Variants in SYT1 observed in about 807,000 individuals in gnomAD.
The protein encoded by SYT1 is synaptotagmin 1, also known as synaptotagmin-1.
SYT1 carries 8 observed loss-of-function variants against 44.8 expected under a neutral mutation model. The observed-to-expected ratio is 0.18, with a 90% confidence interval of 0.10 to 0.32. SYT1 has a LOEUF of 0.32. SYT1 is among the 10% of genes least tolerant of loss of function. The pLI, the probability that SYT1 is intolerant of heterozygous loss-of-function variation, is 1.00. For synonymous variants in SYT1, 154 were observed against 188.8 expected (o/e 0.82, Z 1.51); for missense variants, 286 against 509.3 (o/e 0.56, Z 4.22).
At chr12:79,245,302 C>CAAA (rs61324842) in intron 4 of SYT1, among the ~76,000 whole-genome samples, 18 of 103,982 alleles carry the variant, frequency 1.7e-4, no homozygotes, top group East Asian at 1.1e-3. Context: ...CCCGTCTCTA[C>CAAA]AAAAAAAAAA....
intron 9 of SYT1, among the ~76,000 whole-genome samples, chr12:79,404,131 A>G (rs1052969959): frequency 6.6e-6 from 1 of 152,184 alleles, no homozygotes; most frequent in Non-Finnish European, 1.5e-5. Flanking sequence ...CAGATTTCAC[A>G]GGGTAAAAGC....
intron 8 of SYT1, among the ~76,000 whole-genome samples, chr12:79,342,680 G>A (rs562314653): frequency 1.4e-3 from 212 of 152,280 alleles, no homozygotes; most frequent in African/African-American, 4.9e-3. Flanking sequence ...GAGATTTTAT[G>A]ATAAATAAAA....
At chr12:79,061,886 TTA>T (rs1875413353) in intron 3 of SYT1, among the ~76,000 whole-genome samples, 1 of 152,168 alleles carries the variant, frequency 6.6e-6, no homozygotes, top group Non-Finnish European at 1.5e-5. Flanking sequence ...ACAAATGTTT[TTA>T]TGTTTTCATT....
intron 1 of SYT1, among the ~76,000 whole-genome samples, chr12:78,940,155 C>T (rs1042978418): frequency 2.0e-5 from 3 of 151,898 alleles, no homozygotes; most frequent in Non-Finnish European, 2.9e-5. Flanking sequence ...TTAGTCACTA[C>T]TCAAAAAATG....
chr12:79,377,204 C>T (rs1461356331), intron 9 of SYT1, among the ~76,000 whole-genome samples: 1 of 152,162 alleles, frequency 6.6e-6, no homozygotes, highest in Non-Finnish European at 1.5e-5. Context: ...CTCTGCCTCC[C>T]AGGTTCACAC....
chr12:79,079,246 C>T (rs1876867210), intron 3 of SYT1, among the ~76,000 whole-genome samples: 1 of 152,172 alleles, frequency 6.6e-6, no homozygotes, highest in African/African-American at 2.4e-5. Context: ...CCTCTCCCTA[C>T]ACAGAGATTA....
intron 3 of SYT1, among the ~76,000 whole-genome samples, chr12:79,155,511 C>T (rs556612819): frequency 6.6e-6 from 1 of 152,304 alleles, no homozygotes; most frequent in African/African-American, 2.4e-5. Flanking sequence ...TAGGGTAAAA[C>T]TTTCTTCTCA....
intron 3 of SYT1, among the ~76,000 whole-genome samples, chr12:79,198,640 A>G (rs1380293536): frequency 6.6e-6 from 1 of 152,148 alleles, no homozygotes; most frequent in Admixed American, 6.5e-5. Flanking sequence ...CAACTTGAAC[A>G]TTACTTTTAT....
At chr12:78,980,217 A>G (rs1869147174) in intron 2 of SYT1, among the ~76,000 whole-genome samples, 1 of 152,186 alleles carries the variant, frequency 6.6e-6, no homozygotes. Flanking sequence ...CCATGAAAAG[A>G]CGGAATGTCG....
intron 2 of SYT1, among the ~76,000 whole-genome samples, chr12:79,010,112 A>T (rs1320369699): frequency 6.6e-6 from 1 of 152,164 alleles, no homozygotes; most frequent in African/African-American, 2.4e-5. Flanking sequence ...CTGTAGGTTA[A>T]TGTTTCTTTA....
intron 9 of SYT1, among the ~76,000 whole-genome samples, chr12:79,369,991 G>C (rs536087346): frequency 6.6e-6 from 1 of 152,132 alleles, no homozygotes; most frequent in Non-Finnish European, 1.5e-5. Flanking sequence ...TATTAATATG[G>C]GTGGTTCTTA....
At chr12:79,147,151 C>T (rs908839817) in intron 3 of SYT1, among the ~76,000 whole-genome samples, 3 of 152,228 alleles carry the variant, frequency 2.0e-5, no homozygotes, top group Middle Eastern at 3.4e-3. Context: ...CATATATCTA[C>T]TTTAAAAAAT....
chr12:78,928,232 T>A (rs540987054), intron 1 of SYT1, among the ~76,000 whole-genome samples: 2 of 152,282 alleles, frequency 1.3e-5, no homozygotes, highest in South Asian at 4.1e-4. Flanking sequence ...GACCCCCTAG[T>A]GATGCCTGGA....
chr12:79,004,845 G>C (rs1355270630), intron 2 of SYT1, among the ~76,000 whole-genome samples: 1 of 151,986 alleles, frequency 6.6e-6, no homozygotes, highest in Non-Finnish European at 1.5e-5. Flanking sequence ...ATAAGTGATA[G>C]ATCAATATAG....
intron 2 of SYT1, among the ~76,000 whole-genome samples, chr12:78,993,389 C>G (rs1870151721): frequency 6.6e-6 from 1 of 152,082 alleles, no homozygotes; most frequent in Non-Finnish European, 1.5e-5. Context: ...TGTTCATGTT[C>G]TTGATAAAAT....
At chr12:79,212,947 C>G (rs116348882) in intron 3 of SYT1, among the ~76,000 whole-genome samples, 80 of 152,224 alleles carry the variant, frequency 5.3e-4, no homozygotes, top group African/African-American at 1.9e-3. Context: ...AGAATTTTCT[C>G]CTTAAATATC....
intron 8 of SYT1, among the ~76,000 whole-genome samples, chr12:79,300,313 T>C (rs1179280066): frequency 6.6e-6 from 1 of 152,146 alleles, no homozygotes; most frequent in Non-Finnish European, 1.5e-5. Context: ...CCTTAGCTTC[T>C]CCAAATTCCT....
intron 8 of SYT1, among the ~76,000 whole-genome samples, chr12:79,344,207 C>A (rs1048168630): frequency 6.6e-6 from 1 of 152,142 alleles, no homozygotes; most frequent in Non-Finnish European, 1.5e-5. Context: ...TTTCAAATTG[C>A]TATCCTTATT....
At chr12:78,958,754 A>G (rs1879348696) in intron 1 of SYT1, among the ~76,000 whole-genome samples, 1 of 152,048 alleles carries the variant, frequency 6.6e-6, no homozygotes, top group Admixed American at 6.6e-5. Flanking sequence ...TATTACTTGC[A>G]GCTGTAATTT....
Sources: allele counts gnomAD v4.1 joint callset (sites outside exome capture counted in the v4.1 genomes callset), GRCh38; gene constraint gnomAD v4.1.1; transcripts MANE v1.5; gene names NCBI Gene and HGNC (gene_info 2026-07-23, HGNC 2026-07-21).